The following UGT1A8 variants were observed in gnomAD, a reference collection of about 807,000 sequenced individuals.
The protein encoded by UGT1A8 is UDP-glucuronosyltransferase 1A8.
Under a neutral mutation model 45.3 loss-of-function variants are expected in UGT1A8, and 39 were observed. The observed-to-expected ratio is 0.86, with a 90% CI of 0.67 to 1.12. UGT1A8 has a LOEUF of 1.12. Ranked by LOEUF, UGT1A8 falls within the 50% of genes most tolerant of loss-of-function variation. The pLI is 0.00. For synonymous variants in UGT1A8, 275 were observed against 249.2 expected (o/e 1.10, Z -0.97); for missense variants, 719 against 664.9 (o/e 1.08, Z -0.90).
intron 1 of UGT1A8, among the ~76,000 whole-genome samples, chr2:233,636,232 C>T (rs576252902): frequency 5.3e-5 from 8 of 151,272 alleles, no homozygotes; most frequent in African/African-American, 1.9e-4. Context: ...GGTCCAAAAG[C>T]ATTGCTGAAT....
intron 1 of UGT1A8, chr2:233,693,455 C>G (rs773557629): frequency 6.2e-7 from 1 of 1,614,054 alleles, no homozygotes; most frequent in Non-Finnish European, 8.5e-7. Context: ...TTTCACAGAC[C>G]CAGCCTTACC....
At chr2:233,722,926 T>C (rs2077050442) in intron 1 of UGT1A8, among the ~76,000 whole-genome samples, 1 of 129,968 alleles carries the variant, frequency 7.7e-6, no homozygotes, top group South Asian at 3.0e-4. Context: ...TCATCCTCAT[T>C]GTCTCCATGC....
intron 1 of UGT1A8, among the ~76,000 whole-genome samples, chr2:233,696,185 A>G (rs1559348425): frequency 6.6e-6 from 1 of 152,248 alleles, no homozygotes; most frequent in Non-Finnish European, 1.5e-5. Flanking sequence ...TTGAAGAGCT[A>G]TCTGCACTCC....
At chr2:233,650,475 A>C (rs2073711927) in intron 1 of UGT1A8, among the ~76,000 whole-genome samples, 1 of 152,164 alleles carries the variant, frequency 6.6e-6, no homozygotes. Flanking sequence ...CTTCAGTTAG[A>C]GCATGAGCAA....
At position 233,769,810 on chromosome 2, in the gene UGT1A8, A is replaced by G. The variant is rs1699943868; in HGVS notation, c.1295+1371A>G. The G allele has an allele frequency of 5.9e-6, 6 of 1,010,036 alleles. No individual in the cohort carries two copies. Among genetic ancestry groups the G allele is most frequent in the African/African-American group, 3.3e-5 (2 of 61,048 alleles). The allele number at this position is 1,010,036 out of a possible 1,614,324, so 62.6% of individuals were successfully genotyped here. ...TTGGAGGCTGCTATGAGCCGTGATC[A>G]TGCCACTGCACTCCAGCAACCTGGG... On this transcript the variant is annotated intron_variant, in intron 4 of 4. Transcript: ENST00000373450. This position sits in a 1 kb window ranked among gnomAD's most constrained non-coding sequence, Gnocchi z 4.4.
At chr2:233,621,919 C>T (rs919703947) in intron 1 of UGT1A8, among the ~76,000 whole-genome samples, 2 of 152,130 alleles carry the variant, frequency 1.3e-5, no homozygotes, top group African/African-American at 4.8e-5. Context: ...TGCGATGTTC[C>T]CCTCCCTGTA....
At chr2:233,724,084 T>C (rs1206273718) in intron 1 of UGT1A8, among the ~76,000 whole-genome samples, 23 of 99,034 alleles carry the variant, frequency 2.3e-4, no homozygotes, top group African/African-American at 1.2e-3. Flanking sequence ...GCAGAGGGGC[T>C]CCTCACTTCC....
chr2:233,704,256 CTTTTTTT>C (rs59925871), intron 1 of UGT1A8, among the ~76,000 whole-genome samples: 3 of 123,680 alleles, frequency 2.4e-5, no homozygotes, highest in African/African-American at 9.8e-5. Context: ...GCCTTTATTG[CTTTTTTT>C]TTTTTTTTGC....
rs144684818 is a variant in UGT1A8, at chr2:233,763,987, G to A, written c.856-3047G>A. On this transcript the variant is annotated intron_variant, in intron 1 of 4. Transcript: ENST00000373450. ...GATATATGTGGGTTACTGGGAATGC[G>A]TGATGGTGAAGTCACAGATGACCCA... 4.9e-3 allele frequency among the ~76,000 whole-genome samples: 743 copies of A among 152,304 alleles called. 10 individuals are homozygous for A. The highest frequency in any genetic ancestry group is 0.017 in the African/African-American group (695 of 41,566).
chr2:233,714,809 G>C (rs545646081), intron 1 of UGT1A8, among the ~76,000 whole-genome samples: 1 of 152,174 alleles, frequency 6.6e-6, no homozygotes, highest in Admixed American at 6.5e-5. Flanking sequence ...ATATTCATAT[G>C]TAGTTAGTGA....
intron 1 of UGT1A8, chr2:233,719,609 G>A (rs758434623): frequency 1.2e-5 from 19 of 1,613,894 alleles, no homozygotes; most frequent in East Asian, 2.2e-5. Flanking sequence ...ACTTTGTGAT[G>A]GACTACCCCA....
rs773213473 is a variant in UGT1A8 at position 233,743,806 on chromosome 2, C to T, written c.856-23228C>T. 2.9e-6 allele frequency: 4 copies of T among 1,367,218 alleles called. No individual in the cohort carries two copies. The South Asian group carries it at 4.5e-5, about 16-fold the overall frequency. The allele number at this position is 1,367,218 out of a possible 1,614,324, so 84.7% of individuals were successfully genotyped here. On this transcript the variant is annotated intron_variant, in intron 1 of 4. Coordinates refer to ENST00000373450, the MANE Select transcript of UGT1A8 (RefSeq NM_019076.5). ...ATCTCCTCTCCGCTTCCTCCTTGTT[C>T]TCAGGGTTTTTGTCGGGGTGCCACT...
chr2:233,645,606 C>A (rs527936738), intron 1 of UGT1A8, among the ~76,000 whole-genome samples: 1 of 152,338 alleles, frequency 6.6e-6, no homozygotes, highest in Non-Finnish European at 1.5e-5. Context: ...AGGCCCCATG[C>A]ATGTCAGAAA....
intron 1 of UGT1A8, among the ~76,000 whole-genome samples, chr2:233,659,881 G>A (rs1186835526): frequency 6.6e-6 from 1 of 152,158 alleles, no homozygotes; most frequent in African/African-American, 2.4e-5. Context: ...TTCTGACACT[G>A]CTTCTTCTGT....
At chr2:233,636,643 A>G (rs2073298071) in intron 1 of UGT1A8, 4 of 1,614,010 alleles carry the variant, frequency 2.5e-6, no homozygotes, top group African/African-American at 1.3e-5. Context: ...CTGGTTCACC[A>G]TGCAGTCGGT....
At chr2:233,628,985 C>A (rs1303466783) in intron 1 of UGT1A8, among the ~76,000 whole-genome samples, 1 of 152,012 alleles carries the variant, frequency 6.6e-6, no homozygotes, top group Non-Finnish European at 1.5e-5. Flanking sequence ...AATATATCAT[C>A]TTCATCACTT....
At chr2:233,627,248 C>T (rs1248033173) in intron 1 of UGT1A8, among the ~76,000 whole-genome samples, 1 of 151,986 alleles carries the variant, frequency 6.6e-6, no homozygotes, top group Non-Finnish European at 1.5e-5. Context: ...ATGCTTTCCC[C>T]TCAATAATTA....
chr2:233,677,153 A>G (rs1009702326), intron 1 of UGT1A8, among the ~76,000 whole-genome samples: 1 of 152,154 alleles, frequency 6.6e-6, no homozygotes, highest in African/African-American at 2.4e-5. Flanking sequence ...CATCTTAGCA[A>G]TTTTGAGTTT....
intron 1 of UGT1A8, among the ~76,000 whole-genome samples, chr2:233,707,881 G>T (rs1356249907): frequency 6.6e-6 from 1 of 152,126 alleles, no homozygotes. Flanking sequence ...GATTGCTAAG[G>T]CATTAGTTAT....
Sources: gnomAD v4.1 joint callset for allele counts (sites outside exome capture counted in the v4.1 genomes callset) on GRCh38, gnomAD v4.1.1 for gene constraint, Gnocchi (gnomAD v3.1) non-coding constraint, MANE v1.5 for transcripts, NCBI Gene and HGNC (gene_info 2026-07-23, HGNC 2026-07-21) for gene names.